KLF12: variants seen among roughly 807,000 people sequenced by gnomAD.
KLF12 encodes Krueppel-like factor 12.
A neutral mutation model predicts 37.8 loss-of-function variants in KLF12; 9 were observed. The ratio of observed to expected loss-of-function variants is 0.24; its 90% confidence interval spans 0.14 to 0.42. KLF12 has a LOEUF of 0.42. Ranked by LOEUF, KLF12 falls within the 10% of genes least tolerant of loss-of-function variation. The pLI is 1.00. For missense variants in KLF12, 411 were observed against 516.0 expected, an observed-to-expected ratio of 0.80 and a Z score of 1.97; for synonymous variants, 208 against 202.1, an observed-to-expected ratio of 1.03 and a Z score of -0.25.
At chr13:74,175,626 G>A in the KLF12 span, among the ~76,000 whole-genome samples, 1 of 152,274 alleles carries the variant, frequency 6.6e-6, no homozygotes, top group South Asian at 2.1e-4. Flanking sequence ...CCATCATTAA[G>A]AGTTTTCCAC....
the KLF12 span, among the ~76,000 whole-genome samples, chr13:74,146,019 A>G: frequency 1.3e-5 from 2 of 152,196 alleles, no homozygotes; most frequent in African/African-American, 2.4e-5. Context: ...TTAAAAAACA[A>G]TTGCTATAAT....
the KLF12 span, among the ~76,000 whole-genome samples, chr13:74,148,486 C>G: frequency 8.0e-6 from 1 of 125,218 alleles, no homozygotes; most frequent in South Asian, 3.2e-4. Flanking sequence ...GACTTTCACT[C>G]CCCCCCCACC....
upstream of KLF12, among the ~76,000 whole-genome samples, chr13:74,136,475 TGAAG>T (rs1165476762): frequency 6.6e-6 from 1 of 151,430 alleles, no homozygotes; most frequent in East Asian, 1.9e-4. Flanking sequence ...GGGCAGGGAG[TGAAG>T]GAAGGGAGTT....
At chr13:74,112,522 A>C (rs1877043181) in intron 1 of KLF12, among the ~76,000 whole-genome samples, 1 of 151,946 alleles carries the variant, frequency 6.6e-6, no homozygotes, top group African/African-American at 2.4e-5. Context: ...ACATTTTGGT[A>C]ATTCTTGCAA....
At chr13:73,736,271 T>G (rs999018131) in intron 6 of KLF12, among the ~76,000 whole-genome samples, 1 of 152,146 alleles carries the variant, frequency 6.6e-6, no homozygotes, top group African/African-American at 2.4e-5. Context: ...GACTGTGGAG[T>G]TTGAGAACTG....
At chr13:74,086,351 G>A (rs1875295915) in intron 1 of KLF12, among the ~76,000 whole-genome samples, 1 of 143,156 alleles carries the variant, frequency 7.0e-6, no homozygotes, top group Non-Finnish European at 1.5e-5. Context: ...TCCCATCTAT[G>A]AGTGAGAACA....
the KLF12 span, among the ~76,000 whole-genome samples, chr13:74,283,225 C>T: frequency 8.5e-5 from 13 of 152,262 alleles, no homozygotes; most frequent in African/African-American, 3.1e-4. Context: ...AAAATTCAGA[C>T]TATATTGTTT....
the KLF12 span, among the ~76,000 whole-genome samples, chr13:74,253,009 ATCTATCTATCTATCTGTCTG>A: frequency 1.9e-3 from 255 of 137,548 alleles, no homozygotes; most frequent in African/African-American, 7.7e-3. Flanking sequence ...CTATCTATCT[ATCTATCTATCTATCTGTCTG>A]TCTATCTACC....
intron 1 of KLF12, among the ~76,000 whole-genome samples, chr13:74,061,648 C>T (rs1873597499): frequency 6.6e-6 from 1 of 152,158 alleles, no homozygotes; most frequent in African/African-American, 2.4e-5. Flanking sequence ...TACTCTGCAA[C>T]CTCTGCCATA....
intron 3 of KLF12, among the ~76,000 whole-genome samples, chr13:73,863,358 G>C (rs1253547612): frequency 6.6e-6 from 1 of 152,048 alleles, no homozygotes; most frequent in Non-Finnish European, 1.5e-5. Flanking sequence ...CAACAGACAG[G>C]TTTGTGTACT....
the KLF12 span, among the ~76,000 whole-genome samples, chr13:74,211,320 G>A: frequency 3.9e-5 from 6 of 152,074 alleles, 1 homozygote; most frequent in South Asian, 6.2e-4. Flanking sequence ...CTTGTGCTTC[G>A]ATACCAGAAA....
At chr13:74,073,133 C>T (rs182556153) in intron 1 of KLF12, among the ~76,000 whole-genome samples, 41 of 152,288 alleles carry the variant, frequency 2.7e-4, no homozygotes, top group East Asian at 1.9e-4. Context: ...ATCGTGAGGC[C>T]GCCCGAGCCA....
At chr13:74,237,652 C>T in the KLF12 span, among the ~76,000 whole-genome samples, 1 of 150,724 alleles carries the variant, frequency 6.6e-6, no homozygotes, top group East Asian at 1.9e-4. Context: ...TGAAGAGGTA[C>T]TTCACATCCC....
the KLF12 span, among the ~76,000 whole-genome samples, chr13:74,276,581 G>T: frequency 2.0e-5 from 3 of 151,912 alleles, no homozygotes; most frequent in African/African-American, 7.3e-5. Context: ...TTATTCTGTG[G>T]TTTGAAGATA....
intron 1 of KLF12, among the ~76,000 whole-genome samples, chr13:74,000,052 G>A (rs1039442560): frequency 1.3e-4 from 20 of 152,224 alleles, no homozygotes; most frequent in African/African-American, 4.6e-4. Context: ...GGTATCATAA[G>A]CCCTCCTCCC....
intron 1 of KLF12, among the ~76,000 whole-genome samples, chr13:74,041,033 C>T (rs1254148942): frequency 1.3e-5 from 2 of 152,170 alleles, no homozygotes; most frequent in East Asian, 3.8e-4. Flanking sequence ...AATAAATAAA[C>T]CCACAATACA....
chr13:74,102,685 G>C (rs1049728858), intron 1 of KLF12, among the ~76,000 whole-genome samples: 3 of 151,380 alleles, frequency 2.0e-5, no homozygotes, highest in African/African-American at 7.3e-5. Context: ...GCAACATAGT[G>C]AAACTCTGTC....
At chr13:73,896,937 A>G (rs560002609) in intron 3 of KLF12, among the ~76,000 whole-genome samples, 11 of 152,194 alleles carry the variant, frequency 7.2e-5, no homozygotes, top group Non-Finnish European at 1.0e-4. Context: ...AAACTCATAA[A>G]AAGTTCCTTT....
intron 6 of KLF12, among the ~76,000 whole-genome samples, chr13:73,721,178 G>A (rs1254293711): frequency 1.3e-5 from 2 of 152,196 alleles, no homozygotes; most frequent in African/African-American, 4.8e-5. Context: ...GGAAACTGAG[G>A]CACAGAGAGG....
Sources: gnomAD v4.1 joint callset for allele counts (sites outside exome capture counted in the v4.1 genomes callset) on GRCh38, gnomAD v4.1.1 for gene constraint, MANE v1.5 for transcripts, NCBI Gene and HGNC (gene_info 2026-07-23, HGNC 2026-07-21) for gene names.